The following ALS2 variants were observed in gnomAD, a reference collection of about 807,000 sequenced individuals.
ALS2 encodes the protein alsin.
ALS2 carries 117 observed loss-of-function variants against 203.4 expected under a neutral mutation model. The observed-to-expected ratio is 0.58, with a 90% CI of 0.50 to 0.67. The LOEUF is 0.67. Among genes scored for constraint, ALS2 ranks in the 30% least tolerant of loss-of-function variants. ALS2 has a pLI of 0.00. For missense variants in ALS2, 1,715 were observed against 1,989.4 expected (o/e 0.86, Z 2.62); for synonymous variants, 718 against 725.9 (o/e 0.99, Z 0.17).
chr2:201,720,520 T>C (rs1342438312), intron 23 of ALS2, among the ~76,000 whole-genome samples: 4 of 103,188 alleles, frequency 3.9e-5, no homozygotes, highest in Non-Finnish European at 7.1e-5. Flanking sequence ...TTGGGCAACA[T>C]AGCGAAACTC....
Position 201,741,867 on chromosome 2 carries a change from A to C in ALS2, c.2171-13T>G. 1 of 1,602,442 alleles carries C rather than the reference A, an allele frequency of 6.2e-7. No individual in the cohort carries two copies. The highest frequency in any genetic ancestry group is 8.5e-7 in the Non-Finnish European group (1 of 1,170,156). ...GTGCCCAAATTTTCTATAACAAAAT[A>C]ATGATGATGATGACAACACAAACTG... is the stretch of plus-strand genomic sequence containing the variant. On this transcript the variant is annotated splice_polypyrimidine_tract_variant and intron_variant, in intron 10 of 33. Transcript: ENST00000264276.
In ALS2 at chr2:201,705,375, G is replaced by A. The variant is rs770143501; in HGVS notation, c.4626+41C>T. ...TTGCTATCTCAAATCCTTCCCATTA[G>A]AGAAAAGCATATTTGCTGAGGAAAA... On this transcript the variant is annotated intron_variant, in intron 30 of 33. Transcript: ENST00000264276. The A allele has an allele frequency of 4.4e-6, 7 of 1,595,198 alleles. No individual in the cohort carries two copies. In the East Asian group the frequency reaches 1.3e-4, roughly 31 times the overall value.
intron 12 of ALS2, 43 bp from the exon 13 acceptor site, chr2:201,733,481 T>A: frequency 6.4e-7 from 1 of 1,560,566 alleles, no homozygotes; most frequent in Non-Finnish European, 8.8e-7. Flanking sequence ...CATTTTGGAA[T>A]TGGTAATATG....
chr2:201,707,742 C>T (rs1689812576), intron 28 of ALS2, 127 bp downstream of exon 28: 1 of 1,307,820 alleles, frequency 7.6e-7, no homozygotes, highest in East Asian at 2.7e-5. Flanking sequence ...ACCCTCCTGG[C>T]CCCAACCATA....
chr2:201,722,245 T>A (rs989831906), intron 23 of ALS2: 2 of 152,204 alleles, frequency 1.3e-5, no homozygotes, highest in Non-Finnish European at 2.9e-5. Flanking sequence ...ATGTTCTACA[T>A]CATTAGTCAC....
At position 201,703,831 on chromosome 2, in the gene ALS2, C is replaced by CT. The variant is rs1274486374; in HGVS notation, c.4935+290dup. ...TGGACACTAAGAATCCTTTCTGTTTCTTTTTTAGAATTACAATTATTTATA... is the reference window on the plus strand; with the variant it reads ...TGGACACTAAGAATCCTTTCTGTTTCTTTTTTTAGAATTACAATTATTTATA... On this transcript the variant is annotated intron_variant, in intron 33 of 33. Coordinates refer to ENST00000264276, the MANE Select transcript of ALS2 (RefSeq NM_020919.4). Among the ~76,000 whole-genome samples the CT allele has an allele frequency of 2.0e-5, 3 of 152,118 alleles. No individual in the cohort carries two copies. In the East Asian group the frequency reaches 5.8e-4, roughly 29 times the overall value.
intron 1 of ALS2, among the ~76,000 whole-genome samples, chr2:201,780,238 G>A (rs1694835629): frequency 6.6e-6 from 1 of 152,156 alleles, no homozygotes; most frequent in African/African-American, 2.4e-5. Flanking sequence ...GAACACCAGC[G>A]TCAAGGACCT....
chr2:201,726,702 G>A lies in ALS2; in HGVS notation c.3144C>T (p.Thr1048=), dbSNP rs753116627. 11 of 1,614,150 alleles carry A rather than the reference G, an allele frequency of 6.8e-6. No homozygotes were observed. Among genetic ancestry groups the A allele is most frequent in the Middle Eastern group, 1.6e-4 (1 of 6,062 alleles). The change falls in exon 18 of 34, where the codon ACC becomes ACT. Residue 1048 remains threonine (T), a synonymous_variant. Transcript: ENST00000264276. The stretch of plus-strand genomic sequence containing the variant: ...TCCCTGAAAGCCAGCGTCCATCATA[G>A]GTGGCATCCTTTAGGCGAGGATCCT... ...FYKDPRLKDA[T]YDGRWLSGKP...
Position 201,705,268 on chromosome 2 carries a change from G to A in ALS2, c.4627-68C>T, listed in dbSNP as rs894587737. The A allele has an allele frequency of 9.6e-4, 1,449 of 1,517,034 alleles. 4 individuals carry two copies. The highest frequency in any genetic ancestry group is 1.2e-3 in the Non-Finnish European group (1,257 of 1,092,460). 94.0% of individuals were successfully genotyped at this position (1,517,034 alleles called of 1,614,324 possible). On this transcript the variant is annotated intron_variant, in intron 30 of 33. Transcript: ENST00000264276. ...TGCAACAACAGAAATAAATGATACT[G>A]ATGTCAGAGTGCAGGTCTTTGGTAA...
In ALS2 at chr2:201,706,839, C is replaced by A. The variant is rs3219169; in HGVS notation, c.4580+7G>T. ...CATTTGGTTGCGCTTGTAACTACTA[C>A]ACTTACCTCTGCACCCCAAGAAAGC... On this transcript the variant is annotated splice_region_variant and intron_variant, in intron 29 of 33. Transcript: ENST00000264276. 2.5e-6 allele frequency: 4 copies of A among 1,613,566 alleles called. No individual in the cohort carries two copies. Among genetic ancestry groups the A allele is most frequent in the Non-Finnish European group, 3.4e-6 (4 of 1,179,850 alleles).
intron 7 of ALS2, among the ~76,000 whole-genome samples, chr2:201,750,681 C>T (rs1266601050): frequency 1.3e-5 from 2 of 152,176 alleles, no homozygotes; most frequent in East Asian, 3.9e-4. Context: ...TGTGACAGTA[C>T]AAAAATAAAA....
intron 4 of ALS2, chr2:201,760,292 C>G: frequency 1.0e-6 from 1 of 959,558 alleles, no homozygotes; most frequent in Non-Finnish European, 1.2e-6. Context: ...GCCTGGGTGA[C>G]AGAGCAAGAC....
chr2:201,713,230 G>A (rs758635786), intron 25 of ALS2, among the ~76,000 whole-genome samples: 6 of 139,696 alleles, frequency 4.3e-5, no homozygotes, highest in Non-Finnish European at 7.6e-5. Context: ...TCCACCTTCC[G>A]AGTTCCAGCG....
intron 25 of ALS2, among the ~76,000 whole-genome samples, chr2:201,712,010 T>C (rs1690060836): frequency 6.6e-6 from 1 of 152,150 alleles, no homozygotes; most frequent in Non-Finnish European, 1.5e-5. Flanking sequence ...CTTCTACTGA[T>C]AGAGTAGAAG....
At chr2:201,703,461 T>A (rs1473749044) in intron 33 of ALS2, among the ~76,000 whole-genome samples, 1 of 152,244 alleles carries the variant, frequency 6.6e-6, no homozygotes, top group Admixed American at 6.5e-5. Flanking sequence ...CCTGTGACAG[T>A]CACATACTAT....
chr2:201,719,057 C>T (rs1223487825), intron 23 of ALS2, among the ~76,000 whole-genome samples: 1 of 152,036 alleles, frequency 6.6e-6, no homozygotes, highest in Admixed American at 6.6e-5. Flanking sequence ...ATAAAATTGA[C>T]ATTTAACTAG....
chr2:201,763,976 A>G (rs369949041), intron 3 of ALS2, among the ~76,000 whole-genome samples: 2 of 152,324 alleles, frequency 1.3e-5, no homozygotes, highest in African/African-American at 4.8e-5. Context: ...ATAAGGCAGC[A>G]ATTGAGTTGA....
intron 10 of ALS2, among the ~76,000 whole-genome samples, chr2:201,743,070 C>A (rs1163494934): frequency 8.6e-3 from 985 of 114,062 alleles, no homozygotes; most frequent in African/African-American, 0.012. Context: ...GACTCTGTCT[C>A]AAAAAAAAAA....
At chr2:201,735,395 GA>G (rs563483230) in intron 12 of ALS2, among the ~76,000 whole-genome samples, 127 of 152,136 alleles carry the variant, frequency 8.3e-4, no homozygotes, top group African/African-American at 3.0e-3. Flanking sequence ...ATCACATTAG[GA>G]AAAAAACTTG....
Sources: gnomAD v4.1 joint callset for allele counts (sites outside exome capture counted in the v4.1 genomes callset) on GRCh38, gnomAD v4.1.1 for gene constraint, MANE v1.5 for transcripts, NCBI Gene and HGNC (gene_info 2026-07-23, HGNC 2026-07-21) for gene names.